The following SDHAF3 variants were observed in gnomAD, a reference collection of about 807,000 sequenced individuals.
The protein encoded by SDHAF3 is succinate dehydrogenase complex assembly factor 3.
A neutral mutation model predicts 11.5 loss-of-function variants in SDHAF3; 18 were observed. That is an observed-to-expected ratio of 1.56 (90% CI 1.08 to 2.32). The LOEUF is 2.32. Ranked by LOEUF, SDHAF3 falls within the 30% of genes most tolerant of loss-of-function variation. SDHAF3 has a pLI of 0.00. For missense variants in SDHAF3, 200 were observed against 154.4 expected, an observed-to-expected ratio of 1.30 and a Z score of -1.57; for synonymous variants, 72 against 59.3, an observed-to-expected ratio of 1.21 and a Z score of -0.99.
At chr7:97,124,464 C>G (rs1791545393) in intron 1 of SDHAF3, among the ~76,000 whole-genome samples, 1 of 152,110 alleles carries the variant, frequency 6.6e-6, no homozygotes, top group Non-Finnish European at 1.5e-5. Flanking sequence ...TTAGGATTGT[C>G]TTGGCTATGC....
rs1789769458 is a variant in SDHAF3 at position 97,181,241 on chromosome 7, A to C, written c.*26A>C. 1.3e-6 allele frequency: 2 copies of C among 1,557,074 alleles called. No individual in the cohort carries two copies. Among genetic ancestry groups the C allele is most frequent in the East Asian group, 4.5e-5 (2 of 44,276 alleles). On this transcript the variant is annotated 3_prime_UTR_variant, in exon 2 of 2. Transcript: ENST00000432641. ...TCTATACAACAAAGCTTAATAAGAC[A>C]TGCAAAAATTTAGAACCCCTACTTT...
At chr7:97,140,937 C>T (rs1789024789) in intron 1 of SDHAF3, among the ~76,000 whole-genome samples, 2 of 152,254 alleles carry the variant, frequency 1.3e-5, no homozygotes, top group Admixed American at 1.3e-4. Context: ...AGCCATATTT[C>T]TCTTCTTTCA....
intron 1 of SDHAF3, among the ~76,000 whole-genome samples, chr7:97,141,550 G>T (rs760925356): frequency 3.3e-5 from 5 of 152,008 alleles, no homozygotes; most frequent in Admixed American, 6.6e-5. Flanking sequence ...ATGAAATATC[G>T]GGGGTGAATT....
At chr7:97,157,035 T>C (rs1223038895) in intron 1 of SDHAF3, among the ~76,000 whole-genome samples, 2 of 152,068 alleles carry the variant, frequency 1.3e-5, no homozygotes, top group African/African-American at 4.8e-5. Context: ...CCTCCCACTT[T>C]TAAGTGAGAA....
At chr7:97,143,097 T>C (rs765179404) in intron 1 of SDHAF3, among the ~76,000 whole-genome samples, 1 of 151,672 alleles carries the variant, frequency 6.6e-6, no homozygotes, top group African/African-American at 2.4e-5. Context: ...AGTTTCACCA[T>C]GTTGGCCAGG....
intron 1 of SDHAF3, among the ~76,000 whole-genome samples, chr7:97,150,020 T>A (rs1789193526): frequency 6.6e-6 from 1 of 152,242 alleles, no homozygotes; most frequent in African/African-American, 2.4e-5. Flanking sequence ...TAGATTCCAT[T>A]TGAAGAAATC....
chr7:97,171,861 A>T (rs1789605145), intron 1 of SDHAF3, among the ~76,000 whole-genome samples: 1 of 152,152 alleles, frequency 6.6e-6, no homozygotes, highest in Non-Finnish European at 1.5e-5. Context: ...ATTAAACAAA[A>T]TAATGAGAAC....
intron 1 of SDHAF3, among the ~76,000 whole-genome samples, chr7:97,121,833 G>GT (rs1019115624): frequency 1.4e-5 from 2 of 147,560 alleles, no homozygotes; most frequent in African/African-American, 5.0e-5. Context: ...ACAGTATGAG[G>GT]TTTTTTGGTT....
chr7:97,153,716 A>G (rs1210456296), intron 1 of SDHAF3, among the ~76,000 whole-genome samples: 1 of 151,502 alleles, frequency 6.6e-6, no homozygotes, highest in Non-Finnish European at 1.5e-5. Context: ...TTTGGTGACC[A>G]TTTTATATTT....
chr7:97,140,741 G>A (rs189012164), intron 1 of SDHAF3, among the ~76,000 whole-genome samples: 1 of 151,696 alleles, frequency 6.6e-6, no homozygotes, highest in African/African-American at 2.4e-5. Flanking sequence ...TTCGCAAGCT[G>A]AGGAGGATGT....
intron 1 of SDHAF3, among the ~76,000 whole-genome samples, chr7:97,179,174 C>T (rs1246113557): frequency 6.6e-6 from 1 of 152,170 alleles, no homozygotes; most frequent in Non-Finnish European, 1.5e-5. Flanking sequence ...CTTCTGGACT[C>T]CTCATTCTAT....
chr7:97,169,888 A>G (rs1000972649), intron 1 of SDHAF3, among the ~76,000 whole-genome samples: 2 of 152,154 alleles, frequency 1.3e-5, no homozygotes, highest in African/African-American at 4.8e-5. Context: ...AATTTTTTCA[A>G]AAGCCTTTTT....
At chr7:97,160,466 G>A (rs1789390140) in intron 1 of SDHAF3, among the ~76,000 whole-genome samples, 2 of 151,992 alleles carry the variant, frequency 1.3e-5, no homozygotes, top group South Asian at 4.2e-4. Context: ...AGAAAAGGGG[G>A]AAATGTGGGG....
intron 1 of SDHAF3, among the ~76,000 whole-genome samples, chr7:97,148,083 C>A (rs1033536519): frequency 4.0e-5 from 6 of 151,788 alleles, no homozygotes; most frequent in Non-Finnish European, 7.4e-5. Flanking sequence ...TTTGTAGAGA[C>A]GGGGTTTCAC....
intron 1 of SDHAF3, among the ~76,000 whole-genome samples, chr7:97,130,046 G>C (rs1161981554): frequency 6.6e-6 from 1 of 152,146 alleles, no homozygotes; most frequent in Non-Finnish European, 1.5e-5. Context: ...CCGAAAACTT[G>C]GAGATGCGAG....
At chr7:97,164,653 G>T (rs1789473865) in intron 1 of SDHAF3, among the ~76,000 whole-genome samples, 1 of 152,078 alleles carries the variant, frequency 6.6e-6, no homozygotes, top group South Asian at 2.1e-4. Flanking sequence ...GGGATTACAG[G>T]TGTGAGCCAG....
Position 97,138,513 on chromosome 7 carries a change from T to C in SDHAF3, c.174+20616T>C, listed in dbSNP as rs569028436. On this transcript the variant is annotated intron_variant, in intron 1 of 1. Transcript: ENST00000432641. ...TATCTTTGAGTTTATTTAAAAAATATGTATACCCATATGAGAGATTACATT... is the reference window on the plus strand; with the variant it reads ...TATCTTTGAGTTTATTTAAAAAATACGTATACCCATATGAGAGATTACATT... 5.9e-5 allele frequency among the ~76,000 whole-genome samples: 9 copies of C among 152,294 alleles called. No homozygotes were observed. The South Asian group carries it at 1.9e-3, about 32-fold the overall frequency.
At chr7:97,135,124 G>C (rs959338586) in intron 1 of SDHAF3, 4 of 150,650 alleles carry the variant, frequency 2.7e-5, no homozygotes, top group Non-Finnish European at 4.4e-5. Flanking sequence ...AAATTTTCCT[G>C]AAGTGGCTAC....
At chr7:97,136,358 A>AT in intron 1 of SDHAF3, 1 of 592,468 alleles carries the variant, frequency 1.7e-6, no homozygotes, top group Non-Finnish European at 3.1e-6. Flanking sequence ...GTAAACCTGT[A>AT]TTTGCATAAA....
Sources: gnomAD v4.1 joint callset for allele counts (sites outside exome capture counted in the v4.1 genomes callset) on GRCh38, gnomAD v4.1.1 for gene constraint, MANE v1.5 for transcripts, NCBI Gene and HGNC (gene_info 2026-07-23, HGNC 2026-07-21) for gene names.